The following BICC1 variants were observed in gnomAD, a reference collection of about 807,000 sequenced individuals.
BICC1 encodes the protein protein bicaudal C homolog 1.
A neutral mutation model predicts 111.0 loss-of-function variants in BICC1; 43 were observed. The ratio of observed to expected loss-of-function variants is 0.39; its 90% CI spans 0.30 to 0.50. BICC1 has a LOEUF of 0.50. Ranked by LOEUF, BICC1 falls within the 20% of genes least tolerant of loss-of-function variation. The pLI, the probability that BICC1 is intolerant of heterozygous loss-of-function variation, is 0.88. For missense variants in BICC1, 1,091 were observed against 1,203.2 expected, an observed-to-expected ratio of 0.91 and a Z score of 1.38; for synonymous variants, 467 against 434.4, an observed-to-expected ratio of 1.07 and a Z score of -0.93.
chr10:58,647,701 C>A (rs1033746232), intron 2 of BICC1, among the ~76,000 whole-genome samples: 3 of 151,694 alleles, frequency 2.0e-5, no homozygotes, highest in African/African-American at 4.9e-5. Flanking sequence ...ACTTTTCAAT[C>A]TTTTTGATGG....
At chr10:58,561,645 ATTGT>A (rs1442140521) in intron 1 of BICC1, among the ~76,000 whole-genome samples, 1 of 151,098 alleles carries the variant, frequency 6.6e-6, no homozygotes, top group African/African-American at 2.4e-5. Context: ...TTCCTCTCTT[ATTGT>A]TTATCTTTGG....
intron 1 of BICC1, among the ~76,000 whole-genome samples, chr10:58,536,978 A>T (rs1564476562): frequency 6.6e-6 from 1 of 151,832 alleles, no homozygotes; most frequent in Non-Finnish European, 1.5e-5. Flanking sequence ...CCGGAAACAT[A>T]CGACACCCTA....
chr10:58,632,297 C>T (rs73292210), intron 2 of BICC1, among the ~76,000 whole-genome samples: 2,128 of 152,264 alleles, frequency 0.014, 56 homozygotes, highest in African/African-American at 0.049. Context: ...TGCATGTGTG[C>T]AGGCTTCACA....
chr10:58,673,724 C>T (rs1028252579), intron 2 of BICC1, among the ~76,000 whole-genome samples: 77 of 151,898 alleles, frequency 5.1e-4, no homozygotes, highest in African/African-American at 1.6e-3. Flanking sequence ...TGGGTTCAAG[C>T]GATTCTCCTG....
At chr10:58,788,786 C>G (rs924002960) in intron 6 of BICC1, among the ~76,000 whole-genome samples, 8 of 152,198 alleles carry the variant, frequency 5.3e-5, no homozygotes, top group African/African-American at 1.9e-4. Flanking sequence ...AGGCTCCCAT[C>G]ATTTAAAAAC....
chr10:58,692,176 A>G (rs1016269544), intron 2 of BICC1, among the ~76,000 whole-genome samples: 4 of 146,482 alleles, frequency 2.7e-5, no homozygotes, highest in Non-Finnish European at 4.4e-5. Context: ...GAGAGAGAGA[A>G]AGAGAGAGAG....
At chr10:58,559,158 A>T (rs1284917870) in intron 1 of BICC1, among the ~76,000 whole-genome samples, 1 of 152,008 alleles carries the variant, frequency 6.6e-6, no homozygotes, top group Non-Finnish European at 1.5e-5. Context: ...TAATGTATTT[A>T]TATATATTTA....
At chr10:58,514,732 C>A (rs1842195279) in intron 1 of BICC1, among the ~76,000 whole-genome samples, 1 of 152,132 alleles carries the variant, frequency 6.6e-6, no homozygotes, top group Non-Finnish European at 1.5e-5. Context: ...CTGTGATAAA[C>A]TCTTCAAGTA....
chr10:58,652,615 G>A (rs975122938), intron 2 of BICC1, among the ~76,000 whole-genome samples: 13 of 151,752 alleles, frequency 8.6e-5, no homozygotes, highest in African/African-American at 3.1e-4. Context: ...CACGTAACAC[G>A]GTCAATTATA....
At chr10:58,743,371 A>G (rs1841730551) in intron 3 of BICC1, among the ~76,000 whole-genome samples, 1 of 151,742 alleles carries the variant, frequency 6.6e-6, no homozygotes, top group South Asian at 2.1e-4. Context: ...ATGAAACTTG[A>G]GCTATAGAAT....
intron 2 of BICC1, among the ~76,000 whole-genome samples, chr10:58,621,903 T>TTAGAA (rs60609267): frequency 0.2 from 8,728 of 44,680 alleles, 888 homozygotes; most frequent in Non-Finnish European, 0.22. Context: ...GTCTCTAAAA[T>TTAGAA]TAGAATAGAA....
intron 2 of BICC1, among the ~76,000 whole-genome samples, chr10:58,686,099 G>T (rs1839715424): frequency 1.3e-5 from 2 of 152,032 alleles, no homozygotes; most frequent in African/African-American, 4.8e-5. Flanking sequence ...GTCTGTAAAG[G>T]ATTTTATTTC....
intron 3 of BICC1, among the ~76,000 whole-genome samples, chr10:58,774,951 C>T (rs898912383): frequency 4.6e-5 from 7 of 152,114 alleles, no homozygotes; most frequent in East Asian, 1.9e-4. Context: ...AGAAGATCAT[C>T]TTTCTTGTTA....
chr10:58,817,550 T>G lies in BICC1; in HGVS notation c.2534-12T>G. The G allele has an allele frequency of 6.2e-7, 1 of 1,613,250 alleles. No homozygotes were observed. The highest frequency in any genetic ancestry group is 8.5e-7 in the Non-Finnish European group (1 of 1,179,442). ...ATTTACACTTCAAGCCTGTCTCTCC[T>G]TTGCCTTTCAGCGGAACACTATCTC... On this transcript the variant is annotated splice_polypyrimidine_tract_variant and intron_variant, in intron 18 of 20. Coordinates refer to ENST00000373886, the MANE Select transcript of BICC1 (RefSeq NM_001080512.3).
At chr10:58,641,954 T>A (rs1013432762) in intron 2 of BICC1, among the ~76,000 whole-genome samples, 1 of 152,220 alleles carries the variant, frequency 6.6e-6, no homozygotes, top group African/African-American at 2.4e-5. Flanking sequence ...AATGGCCACA[T>A]GTTTTCAGAG....
At chr10:58,663,598 G>A (rs760078200) in intron 2 of BICC1, among the ~76,000 whole-genome samples, 6 of 152,160 alleles carry the variant, frequency 3.9e-5, no homozygotes, top group Non-Finnish European at 7.3e-5. Context: ...ATCAGCGGCA[G>A]CATTAGATTC....
intron 2 of BICC1, among the ~76,000 whole-genome samples, chr10:58,623,885 G>A (rs1169985448): frequency 5.3e-5 from 8 of 152,126 alleles, no homozygotes; most frequent in East Asian, 1.9e-4. Context: ...ATAGAGGGGA[G>A]GGAGGGGCTG....
At chr10:58,638,847 TTCTTTTCTTTTCTTTTTTCTCTTC>T (rs1026874773) in intron 2 of BICC1, among the ~76,000 whole-genome samples, 17 of 686 alleles carry the variant, frequency 0.025, no homozygotes, top group African/African-American at 0.04. Context: ...CTTTTTTCTT[TTCTTTTCTTTTCTTTTTTCTCTTC>T]TCTTTTTTCT....
chr10:58,641,321 G>A (rs1838116080), intron 2 of BICC1, among the ~76,000 whole-genome samples: 1 of 152,140 alleles, frequency 6.6e-6, no homozygotes, highest in African/African-American at 2.4e-5. Context: ...TTAAATCAGG[G>A]CAACACTTGC....
Sources: gnomAD v4.1 joint callset for allele counts (sites outside exome capture counted in the v4.1 genomes callset) on GRCh38, gnomAD v4.1.1 for gene constraint, MANE v1.5 for transcripts, NCBI Gene and HGNC (gene_info 2026-07-23, HGNC 2026-07-21) for gene names.